Variants in VWA8 observed in about 807,000 individuals in gnomAD.
The protein encoded by VWA8 is von Willebrand factor A domain-containing protein 8.
VWA8 carries 221 observed loss-of-function variants against 241.5 expected under a neutral mutation model. The observed-to-expected ratio is 0.91, with a 90% CI of 0.82 to 1.02. The LOEUF is 1.02. Among genes scored for constraint, VWA8 ranks in the 50% least tolerant of loss-of-function variants. The pLI is 0.00. For synonymous variants in VWA8, 852 were observed against 827.1 expected, an observed-to-expected ratio of 1.03 and a Z score of -0.52; for missense variants, 2,322 against 2,328.7, an observed-to-expected ratio of 1.00 and a Z score of 0.06.
At chr13:41,879,714 C>T (rs1874079399) in intron 9 of VWA8, among the ~76,000 whole-genome samples, 1 of 151,600 alleles carries the variant, frequency 6.6e-6, no homozygotes, top group Middle Eastern at 3.2e-3. Context: ...ATGTTCCACT[C>T]TTCTAAGGTC....
chr13:41,766,352 A>G (rs2045779169), intron 20 of VWA8, among the ~76,000 whole-genome samples: 1 of 152,206 alleles, frequency 6.6e-6, no homozygotes, highest in Non-Finnish European at 1.5e-5. Flanking sequence ...AGTAGGAGAA[A>G]AAAGCTAAAA....
At chr13:41,873,417 C>A (rs557280602) in intron 9 of VWA8, among the ~76,000 whole-genome samples, 68 of 152,016 alleles carry the variant, frequency 4.5e-4, no homozygotes, top group Non-Finnish European at 7.4e-5. Context: ...AAAGGATCAA[C>A]AAAATTGACA....
chr13:41,626,596 G>A (rs543242807), intron 37 of VWA8, among the ~76,000 whole-genome samples: 33 of 152,170 alleles, frequency 2.2e-4, no homozygotes, highest in Non-Finnish European at 2.9e-4. Context: ...GCAGGTTAAC[G>A]AACCCCAAAG....
At chr13:41,750,886 T>TTA (rs780396087) in intron 21 of VWA8, among the ~76,000 whole-genome samples, 3 of 143,836 alleles carry the variant, frequency 2.1e-5, no homozygotes, top group Non-Finnish European at 3.0e-5. Context: ...ACATATTTGA[T>TTA]AAAAAAAAAA....
chr13:41,943,878 G>A (rs933910864), intron 2 of VWA8, among the ~76,000 whole-genome samples: 1 of 152,068 alleles, frequency 6.6e-6, no homozygotes, highest in Non-Finnish European at 1.5e-5. Flanking sequence ...AAGGTGGGTG[G>A]ATCACCTGAG....
rs188089000 is a variant in VWA8, at chr13:41,871,135, A to G, written c.1081-2658T>C. Among the ~76,000 whole-genome samples, 264 of 152,208 alleles carry G rather than the reference A, an allele frequency of 1.7e-3. 2 individuals are homozygous for G. The highest frequency in any genetic ancestry group is 5.9e-3 in the African/African-American group (243 of 41,532). On this transcript the variant is annotated intron_variant, in intron 9 of 44. Coordinates refer to ENST00000379310, the MANE Select transcript of VWA8 (RefSeq NM_015058.2). ...TTCAAACTATAACCCAAATGCAACT[A>G]CTTCTTATCAACATCACAGCTGGTC...
Position 41,691,955 on chromosome 13 carries a change from C to G in VWA8, c.3676-17G>C, listed in dbSNP as rs768905207. On this transcript the variant is annotated splice_polypyrimidine_tract_variant and intron_variant, in intron 30 of 44. Transcript: ENST00000379310. ...ATAAGTTTCCTAAAGACAAACAAAA[C>G]AAGATATTCATATTAAATGTGTCAG... 3 of 1,541,100 alleles carry G rather than the reference C, an allele frequency of 1.9e-6. No homozygotes were observed. The highest frequency in any genetic ancestry group is 4.5e-5 in the East Asian group (2 of 44,336).
intron 9 of VWA8, among the ~76,000 whole-genome samples, chr13:41,875,360 C>T (rs1483334753): frequency 6.6e-6 from 1 of 152,020 alleles, no homozygotes; most frequent in Non-Finnish European, 1.5e-5. Context: ...CCATGCACTC[C>T]ACATTTTTTG....
intron 37 of VWA8, among the ~76,000 whole-genome samples, chr13:41,648,285 T>C (rs116701081): frequency 8.0e-4 from 122 of 152,350 alleles, no homozygotes; most frequent in African/African-American, 2.8e-3. Context: ...TGAGATTACA[T>C]TATTTATCTG....
intron 40 of VWA8, among the ~76,000 whole-genome samples, chr13:41,599,531 T>A (rs1479238136): frequency 1.3e-5 from 2 of 152,170 alleles, no homozygotes; most frequent in African/African-American, 2.4e-5. Flanking sequence ...TGTTATTTTA[T>A]GTTTTCTGTG....
chr13:41,803,658 C>T (rs1282639680), intron 17 of VWA8, among the ~76,000 whole-genome samples: 5 of 152,128 alleles, frequency 3.3e-5, no homozygotes, highest in African/African-American at 1.2e-4. Flanking sequence ...GTCTCTCCCA[C>T]AATTTGTGGG....
Position 41,891,506 on chromosome 13 carries a change from A to C in VWA8, c.565T>G (p.Leu189Val). The C allele has an allele frequency of 6.2e-7, 1 of 1,614,236 alleles. No homozygotes were observed. The highest frequency in any genetic ancestry group is 1.3e-5 in the African/African-American group (1 of 75,064). ...TCTCTGTTTTCCAGCAAGTTGTTCA[A>C]AACAGGCAAAACATTCCTCTCTGCC... is the stretch of plus-strand genomic sequence containing the variant. ...EKAERNVLPV[L>V]NNLLENREMQ... The change falls in exon 5 of 45, where the codon TTG becomes GTG. Residue 189 changes from leucine to valine, a missense_variant. By Grantham distance (32) the Leu-to-Val change is conservative. Coordinates refer to ENST00000379310, the MANE Select transcript of VWA8 (RefSeq NM_015058.2).
chr13:41,808,931 A>G (rs1289354326), intron 17 of VWA8, among the ~76,000 whole-genome samples: 1 of 152,194 alleles, frequency 6.6e-6, no homozygotes, highest in Non-Finnish European at 1.5e-5. Flanking sequence ...CAAAATCAAC[A>G]TACAAAAATC....
At chr13:41,925,935 C>T (rs113397085) in intron 2 of VWA8, 1 of 375,020 alleles carries the variant, frequency 2.7e-6, no homozygotes, top group Non-Finnish European at 5.3e-6. Context: ...AGAATATAGT[C>T]ACCAGCAGCC....
chr13:41,784,727 T>TATATATATATATATAA, intron 18 of VWA8, among the ~76,000 whole-genome samples: 1 of 69,032 alleles, frequency 1.4e-5, no homozygotes, highest in East Asian at 3.8e-4. Flanking sequence ...TATATATATA[T>TATATATATATATATAA]ATACACACAC....
chr13:41,928,835 G>GAA (rs751528831), intron 2 of VWA8, among the ~76,000 whole-genome samples: 1 of 142,166 alleles, frequency 7.0e-6, no homozygotes, highest in Non-Finnish European at 1.5e-5. Flanking sequence ...CTTGTTTAAG[G>GAA]GAAAAAAAAA....
intron 37 of VWA8, among the ~76,000 whole-genome samples, chr13:41,651,182 G>A (rs2044867424): frequency 6.6e-6 from 1 of 152,074 alleles, no homozygotes. Context: ...AAAAGCAATG[G>A]GGAAAGGATT....
chr13:41,855,403 T>C (rs1228408994), intron 12 of VWA8, among the ~76,000 whole-genome samples: 1 of 146,086 alleles, frequency 6.8e-6, no homozygotes, highest in Non-Finnish European at 1.5e-5. Flanking sequence ...TAAATATATA[T>C]ATGAAGTAGA....
intron 39 of VWA8, among the ~76,000 whole-genome samples, chr13:41,610,878 G>T (rs892257663): frequency 6.6e-6 from 1 of 152,110 alleles, no homozygotes; most frequent in Non-Finnish European, 1.5e-5. Context: ...GCCCAGAACA[G>T]CTGGGGAATG....
Sources: allele counts gnomAD v4.1 joint callset (sites outside exome capture counted in the v4.1 genomes callset), GRCh38; gene constraint gnomAD v4.1.1; transcripts MANE v1.5; gene names NCBI Gene and HGNC (gene_info 2026-07-23, HGNC 2026-07-21).